Variants in SPATA16 observed in about 807,000 individuals in gnomAD.
The protein encoded by SPATA16 is spermatogenesis-associated protein 16.
Under a neutral mutation model 63.3 loss-of-function variants are expected in SPATA16, and 36 were observed. That is an observed-to-expected ratio of 0.57 (90% CI 0.44 to 0.75). SPATA16 has a LOEUF of 0.75. SPATA16 is among the 30% of genes least tolerant of loss of function. SPATA16 has a pLI of 0.00. For synonymous variants in SPATA16, 203 were observed against 216.7 expected, an observed-to-expected ratio of 0.94 and a Z score of 0.56; for missense variants, 646 against 679.3, an observed-to-expected ratio of 0.95 and a Z score of 0.54.
At chr3:173,030,105 C>CTAT (rs1560101832) in intron 3 of SPATA16, among the ~76,000 whole-genome samples, 10 of 148,352 alleles carry the variant, frequency 6.7e-5, no homozygotes, top group African/African-American at 2.6e-4. Context: ...TATCTATCTA[C>CTAT]CCACCCACCT....
intron 2 of SPATA16, among the ~76,000 whole-genome samples, chr3:173,116,694 A>T (rs1470002092): frequency 6.6e-6 from 1 of 152,214 alleles, no homozygotes; most frequent in African/African-American, 2.4e-5. Context: ...GTTATGTTTA[A>T]TCATGAGGAT....
In SPATA16 at chr3:172,889,575, T is replaced by A. The variant is rs1051845604; in HGVS notation, c.1705A>T (p.Arg569Trp). The change falls in exon 11 of 11, where the codon AGG becomes TGG. Residue 569 changes from arginine (R) to tryptophan (W), a missense_variant. Transcript: ENST00000351008. ...TAGTGCCTGCTCCCTAATGACTACC[T>A]TTGCTGAACAGTTTGAAGTCGCTTC... ...KMKRLQTVQQ[R>W] is the part of the protein sequence containing the mutation. The A allele has an allele frequency of 8.7e-6, 14 of 1,613,756 alleles. No homozygotes were observed. The highest frequency in any genetic ancestry group is 1.2e-5 in the Non-Finnish European group (14 of 1,179,836).
intron 3 of SPATA16, among the ~76,000 whole-genome samples, chr3:173,044,679 T>G (rs1306299243): frequency 5.3e-5 from 8 of 152,182 alleles, no homozygotes. Context: ...GTGGTAATTT[T>G]TAACTTTATG....
At chr3:172,951,190 T>C (rs9861934) in intron 6 of SPATA16, among the ~76,000 whole-genome samples, 13,308 of 152,116 alleles carry the variant, frequency 0.087, 1,948 homozygotes, top group African/African-American at 0.3. Context: ...AGCTATACTG[T>C]GAAAAAAAAT....
intron 4 of SPATA16, among the ~76,000 whole-genome samples, chr3:173,013,305 T>A (rs116457186): frequency 0.023 from 3,455 of 152,264 alleles, 126 homozygotes; most frequent in African/African-American, 0.078. Context: ...AGAATGCTTA[T>A]CCACTCTTGG....
chr3:172,924,239 A>G lies in SPATA16; in HGVS notation c.1307T>C (p.Ile436Thr), dbSNP rs761949576. The G allele has an allele frequency of 1.9e-6, 3 of 1,613,394 alleles. No homozygotes were observed. Among genetic ancestry groups the G allele is most frequent in the East Asian group, 4.5e-5 (2 of 44,800 alleles). ...METMGKRILPILDFIRSTQLN... is the reference protein window; with the variant it reads ...METMGKRILPTLDFIRSTQLN... ...TTGGGTGCTTCTAATAAAATCCAAT[A>G]TTGGCAAGATTCGCTTCCCCATTGT... The change falls in exon 8 of 11, where the codon ATA becomes ACA. Residue 436 changes from isoleucine to threonine, a missense_variant. Physicochemically the swap from Ile to Thr is moderately conservative, Grantham distance 89 (BLOSUM62 -1). Transcript: ENST00000351008.
chr3:173,047,158 C>A (rs774554106), intron 3 of SPATA16, among the ~76,000 whole-genome samples: 6 of 150,328 alleles, frequency 4.0e-5, no homozygotes, highest in Non-Finnish European at 7.4e-5. Context: ...TCTTGTGGTT[C>A]TTATATTTGG....
chr3:173,071,907 A>G (rs1451683653), intron 2 of SPATA16, among the ~76,000 whole-genome samples: 2 of 152,256 alleles, frequency 1.3e-5, no homozygotes, highest in Non-Finnish European at 2.9e-5. Flanking sequence ...TTAAAAAGTC[A>G]AAAAACAATA....
Position 173,003,018 on chromosome 3 carries a change from C to T in SPATA16, c.848+16468G>A, listed in dbSNP as rs567615737. Among the ~76,000 whole-genome samples, 7 of 152,194 alleles carry T rather than the reference C, an allele frequency of 4.6e-5. No homozygotes were observed. The South Asian group carries it at 1.4e-3, about 32-fold the overall frequency. On this transcript the variant is annotated intron_variant, in intron 4 of 10. Coordinates refer to ENST00000351008, the MANE Select transcript of SPATA16 (RefSeq NM_031955.6). ...TGAAGAAGATTTTTTTAAACTCAAACATTGAAAATCATAAAGAAACCTGAT... is the reference window on the plus strand; with the variant it reads ...TGAAGAAGATTTTTTTAAACTCAAATATTGAAAATCATAAAGAAACCTGAT...
chr3:173,039,990 G>C (rs944731034), intron 3 of SPATA16, among the ~76,000 whole-genome samples: 10 of 152,068 alleles, frequency 6.6e-5, no homozygotes, highest in African/African-American at 2.2e-4. Flanking sequence ...ACATGCCTAT[G>C]ATTAAAAGCT....
chr3:172,901,291 C>T (rs757737509), intron 10 of SPATA16, among the ~76,000 whole-genome samples: 17 of 152,156 alleles, frequency 1.1e-4, no homozygotes, highest in Admixed American at 1.0e-3. Flanking sequence ...CCTCCACCTC[C>T]CGGGTTCAAG....
At chr3:172,896,790 CT>C (rs1010230811) in intron 10 of SPATA16, among the ~76,000 whole-genome samples, 174 of 146,842 alleles carry the variant, frequency 1.2e-3, no homozygotes, top group African/African-American at 3.8e-3. Flanking sequence ...ATTGGATCGG[CT>C]TTTTTTTTTA....
chr3:172,902,456 C>T (rs1316234766), intron 10 of SPATA16, among the ~76,000 whole-genome samples: 1 of 152,190 alleles, frequency 6.6e-6, no homozygotes, highest in African/African-American at 2.4e-5. Context: ...ATTTTGACCC[C>T]TGTGCCTTAG....
intron 9 of SPATA16, 76 bp downstream of exon 9, chr3:172,916,241 T>TG: frequency 1.3e-6 from 2 of 1,553,282 alleles, no homozygotes; most frequent in East Asian, 2.2e-5. Context: ...ATTTTTTTTT[T>TG]TTTTTTTCCC....
At chr3:173,108,462 T>G (rs1737671167) in intron 2 of SPATA16, among the ~76,000 whole-genome samples, 1 of 152,166 alleles carries the variant, frequency 6.6e-6, no homozygotes, top group South Asian at 2.1e-4. Context: ...GATGAGTATT[T>G]TCAATGCTAG....
chr3:173,027,462 G>GTTGTT (rs1236487937), intron 3 of SPATA16, among the ~76,000 whole-genome samples: 1 of 151,872 alleles, frequency 6.6e-6, no homozygotes, highest in Non-Finnish European at 1.5e-5. Flanking sequence ...TGTTGTTGCT[G>GTTGTT]TTGTTTTGTT....
At chr3:173,028,013 C>CCCTCCCTCCCTCCCTCCCTCCTTTCCTT (rs1560100953) in intron 3 of SPATA16, among the ~76,000 whole-genome samples, 1 of 35,038 alleles carries the variant, frequency 2.9e-5, no homozygotes, top group African/African-American at 2.1e-4. Context: ...CTCCCTCCCT[C>CCCTCCCTCCCTCCCTCCCTCCTTTCCTT]CCTTCCTTCT....
chr3:172,915,937 C>T (rs1265851659), intron 9 of SPATA16, among the ~76,000 whole-genome samples: 2 of 152,148 alleles, frequency 1.3e-5, no homozygotes, highest in African/African-American at 4.8e-5. Context: ...TTCTATACAG[C>T]AATTACTCTT....
intron 10 of SPATA16, among the ~76,000 whole-genome samples, chr3:172,892,424 C>T (rs1017862453): frequency 2.6e-5 from 4 of 152,220 alleles, no homozygotes; most frequent in Admixed American, 2.0e-4. Flanking sequence ...CCATGACTCA[C>T]ACTCACATCA....
Sources: gnomAD v4.1 joint callset for allele counts (sites outside exome capture counted in the v4.1 genomes callset) on GRCh38, gnomAD v4.1.1 for gene constraint, MANE v1.5 for transcripts, NCBI Gene and HGNC (gene_info 2026-07-23, HGNC 2026-07-21) for gene names.